The following RYR2 variants were observed in gnomAD, a reference collection of about 807,000 sequenced individuals.
RYR2 encodes the protein ryanodine receptor 2.
Under a neutral mutation model 601.1 loss-of-function variants are expected in RYR2, and 227 were observed. The observed-to-expected ratio is 0.38, with a 90% CI of 0.34 to 0.42. The LOEUF (loss-of-function observed/expected upper bound fraction) is 0.42. RYR2 is among the 10% of genes least tolerant of loss of function. RYR2 has a pLI of 1.00. For synonymous variants in RYR2, 2,223 were observed against 2,175.1 expected (o/e 1.02, Z -0.61); for missense variants, 4,646 against 6,156.5 (o/e 0.75, Z 8.21).
chr1:237,421,381 T>C (rs957178047), intron 11 of RYR2, among the ~76,000 whole-genome samples: 22 of 152,364 alleles, frequency 1.4e-4, no homozygotes, highest in African/African-American at 4.6e-4. Flanking sequence ...GTGCTATTAT[T>C]GGTAACAAAC....
intron 33 of RYR2, among the ~76,000 whole-genome samples, chr1:237,594,178 A>G (rs912922054): frequency 3.3e-5 from 5 of 152,156 alleles, no homozygotes; most frequent in African/African-American, 1.2e-4. Context: ...TTGTAAAACA[A>G]ACCAAACTCA....
At chr1:237,533,064 C>T (rs1668288205) in intron 25 of RYR2, among the ~76,000 whole-genome samples, 1 of 152,114 alleles carries the variant, frequency 6.6e-6, no homozygotes, top group Non-Finnish European at 1.5e-5. Flanking sequence ...AACTAATGTC[C>T]TCTGCCTTGA....
At chr1:237,597,538 C>G (rs994048550) in intron 34 of RYR2, among the ~76,000 whole-genome samples, 2 of 151,682 alleles carry the variant, frequency 1.3e-5, no homozygotes, top group African/African-American at 4.8e-5. Context: ...CCTCGGCCTC[C>G]CAAAGTGCTG....
chr1:237,291,046 A>G (rs1692134343), intron 2 of RYR2, among the ~76,000 whole-genome samples: 1 of 152,170 alleles, frequency 6.6e-6, no homozygotes, highest in Non-Finnish European at 1.5e-5. Context: ...AGAAGCGTAA[A>G]TTGATACTGC....
At chr1:237,317,897 A>G (rs970181346) in intron 2 of RYR2, among the ~76,000 whole-genome samples, 2 of 152,104 alleles carry the variant, frequency 1.3e-5, no homozygotes, top group Non-Finnish European at 2.9e-5. Flanking sequence ...GTTAGATCAT[A>G]TTTTTTATCC....
At chr1:237,692,412 T>G (rs539442380) in intron 63 of RYR2, among the ~76,000 whole-genome samples, 1 of 152,224 alleles carries the variant, frequency 6.6e-6, no homozygotes, top group African/African-American at 2.4e-5. Context: ...TTATCAAATC[T>G]TCTCAAAACA....
chr1:237,743,940 G>A (rs981751851), intron 80 of RYR2, among the ~76,000 whole-genome samples: 2 of 152,026 alleles, frequency 1.3e-5, no homozygotes, highest in Non-Finnish European at 2.9e-5. Flanking sequence ...TCTCATTTTC[G>A]GTGCAATGTT....
At chr1:237,537,890 A>G (rs1263977811) in intron 25 of RYR2, among the ~76,000 whole-genome samples, 1 of 152,184 alleles carries the variant, frequency 6.6e-6, no homozygotes, top group Non-Finnish European at 1.5e-5. Context: ...CAGAGTAATA[A>G]TTCTCTCTGG....
At chr1:237,439,809 C>A (rs1250749777) in intron 12 of RYR2, among the ~76,000 whole-genome samples, 1 of 141,786 alleles carries the variant, frequency 7.1e-6, no homozygotes, top group Non-Finnish European at 1.5e-5. Flanking sequence ...TAGACACAAA[C>A]CAATTTGCTT....
At chr1:237,434,810 C>G (rs1282107689) in intron 12 of RYR2, among the ~76,000 whole-genome samples, 1 of 152,154 alleles carries the variant, frequency 6.6e-6, no homozygotes, top group African/African-American at 2.4e-5. Context: ...GTCTCTCGCT[C>G]TGTCACTCAG....
intron 2 of RYR2, among the ~76,000 whole-genome samples, chr1:237,305,734 C>A (rs1031161172): frequency 2.0e-5 from 3 of 152,152 alleles, no homozygotes; most frequent in Non-Finnish European, 4.4e-5. Flanking sequence ...GCCCAGCCAA[C>A]AAATTTAAAT....
intron 81 of RYR2, 90 bp from the exon 82 acceptor site, chr1:237,757,607 A>G (rs938488413): frequency 6.0e-6 from 5 of 835,208 alleles, no homozygotes; most frequent in Non-Finnish European, 1.0e-5. Flanking sequence ...GGGGCATAAT[A>G]ATAATTTTAA....
intron 1 of RYR2, among the ~76,000 whole-genome samples, chr1:237,170,822 A>G (rs556537406): frequency 6.6e-6 from 1 of 152,276 alleles, no homozygotes; most frequent in South Asian, 2.1e-4. Flanking sequence ...TCTGGAAAAC[A>G]GAATATGTGT....
chr1:237,129,310 C>T (rs1230265361), intron 1 of RYR2, among the ~76,000 whole-genome samples: 3 of 152,184 alleles, frequency 2.0e-5, no homozygotes, highest in Non-Finnish European at 4.4e-5. Context: ...GACACATATT[C>T]CTGTTGAAGG....
At chr1:237,743,638 A>C (rs1253387012) in intron 80 of RYR2, 3 of 518,266 alleles carry the variant, frequency 5.8e-6, no homozygotes, top group African/African-American at 5.8e-5. Flanking sequence ...AACTATATAT[A>C]TGTGTGTATT....
intron 101 of RYR2, among the ~76,000 whole-genome samples, chr1:237,822,816 A>G (rs140184113): frequency 6.6e-6 from 1 of 152,356 alleles, no homozygotes; most frequent in Non-Finnish European, 1.5e-5. Flanking sequence ...ATGGGCTTAA[A>G]ATAAAGGGAC....
At chr1:237,600,056 C>T (rs1019627178) in intron 34 of RYR2, among the ~76,000 whole-genome samples, 1 of 151,946 alleles carries the variant, frequency 6.6e-6, no homozygotes, top group East Asian at 1.9e-4. Flanking sequence ...CATTATTATT[C>T]TATTATAGAA....
rs554159144 is a variant in RYR2, at chr1:237,132,798, T to C, written c.48+90229T>C. 2.0e-5 allele frequency among the ~76,000 whole-genome samples: 3 copies of C among 152,096 alleles called. No homozygotes were observed. The South Asian group carries it at 6.3e-4, about 32-fold the overall frequency. On this transcript the variant is annotated intron_variant, in intron 1 of 104. Coordinates refer to ENST00000366574, the MANE Select transcript of RYR2 (RefSeq NM_001035.3). ...GAGAACCTCAGGCAGGGTAAGTACATTGAGAGTAAGGATTGGGAAAATGTC... is the reference window on the plus strand; with the variant it reads ...GAGAACCTCAGGCAGGGTAAGTACACTGAGAGTAAGGATTGGGAAAATGTC...
intron 94 of RYR2, 100 bp downstream of exon 94, chr1:237,792,423 G>GTGTT: frequency 1.5e-6 from 1 of 667,066 alleles, no homozygotes; most frequent in Non-Finnish European, 2.3e-6. Flanking sequence ...GTGTGTGTGT[G>GTGTT]TTTTGCAGGC....
Sources: allele counts gnomAD v4.1 joint callset (sites outside exome capture counted in the v4.1 genomes callset), GRCh38; gene constraint gnomAD v4.1.1; transcripts MANE v1.5; gene names NCBI Gene and HGNC (gene_info 2026-07-23, HGNC 2026-07-21).